LAMA3: variants seen among roughly 807,000 people sequenced by gnomAD.
LAMA3 encodes laminin subunit alpha-3.
A neutral mutation model predicts 402.0 loss-of-function variants in LAMA3; 281 were observed. The ratio of observed to expected loss-of-function variants is 0.70; its 90% CI spans 0.63 to 0.77. The LOEUF (loss-of-function observed/expected upper bound fraction) is 0.77, where lower values mean the gene tolerates loss of function less well. Ranked by LOEUF, LAMA3 falls within the 30% of genes least tolerant of loss-of-function variation. LAMA3 has a pLI of 0.00. For synonymous variants in LAMA3, 1,431 were observed against 1,558.4 expected, an observed-to-expected ratio of 0.92 and a Z score of 1.93; for missense variants, 3,840 against 4,215.5, an observed-to-expected ratio of 0.91 and a Z score of 2.47.
intron 39 of LAMA3, among the ~76,000 whole-genome samples, chr18:23,881,023 G>T (rs2064878663): frequency 6.6e-6 from 1 of 152,148 alleles, no homozygotes; most frequent in African/African-American, 2.4e-5. Context: ...TTAACACAAA[G>T]TGTCTCCATA....
Position 23,928,185 on chromosome 18 carries a change from T to G in LAMA3, c.8240T>G (p.Val2747Gly). 1.2e-6 allele frequency: 2 copies of G among 1,614,094 alleles called. No individual in the cohort carries two copies. The highest frequency in any genetic ancestry group is 1.7e-6 in the Non-Finnish European group (2 of 1,179,920). ...AAAAATTTGAAGAAAACCAGTGGTG[T>G]CGTTAGATTGAATGATACTGTGGGA... ...CMKNLKKTSG[V>G]VRLNDTVGVT... is the part of the protein sequence containing the mutation. The change falls in exon 63 of 75, where the codon GTC (valine) becomes GGC (glycine). Residue 2747 changes from valine to glycine, a missense_variant. By Grantham distance (109) the Val-to-Gly change is moderately radical. Around this residue, in one of 3 missense-constraint regions of LAMA3, gnomAD observed 840 missense variants for 981.9 expected, o/e 0.86. Coordinates refer to ENST00000313654, the MANE Select transcript of LAMA3 (RefSeq NM_198129.4).
chr18:23,778,611 C>T (rs958659292), intron 11 of LAMA3, among the ~76,000 whole-genome samples: 3 of 152,170 alleles, frequency 2.0e-5, no homozygotes, highest in South Asian at 2.1e-4. Context: ...CAGAAGGGCA[C>T]GCCTGCACCA....
At chr18:23,797,795 G>GA (rs1400922042) in intron 12 of LAMA3, among the ~76,000 whole-genome samples, 1 of 151,926 alleles carries the variant, frequency 6.6e-6, no homozygotes, top group Non-Finnish European at 1.5e-5. Flanking sequence ...TGTAGTCCTG[G>GA]ATTTATGTTT....
intron 12 of LAMA3, among the ~76,000 whole-genome samples, chr18:23,786,205 TC>T (rs2062542136): frequency 6.6e-6 from 1 of 152,180 alleles, no homozygotes; most frequent in South Asian, 2.1e-4. Flanking sequence ...ATGACCCCCT[TC>T]ATTATCCATC....
intron 66 of LAMA3, 94 bp downstream of exon 66, chr18:23,932,385 A>T: frequency 2.2e-6 from 3 of 1,373,682 alleles, no homozygotes; most frequent in Non-Finnish European, 3.1e-6. Flanking sequence ...AGCTTTGTCA[A>T]CATGTGCTGC....
chr18:23,911,014 C>CGCAGAG (rs1555735991), intron 55 of LAMA3, among the ~76,000 whole-genome samples: 1 of 150,378 alleles, frequency 6.6e-6, no homozygotes, highest in Admixed American at 6.6e-5. Context: ...CCAGTTCTGT[C>CGCAGAG]AGTCATGTTC....
At position 23,911,794 on chromosome 18, in the gene LAMA3, T is replaced by C. The variant is rs1200371011; in HGVS notation, c.7159-917T>C. On this transcript the variant is annotated intron_variant, in intron 55 of 74. Transcript: ENST00000313654. ...AGTATAAATTTAATATATGCATATA[T>C]ATTTAATTATATATTATAATCATAT... Among the ~76,000 whole-genome samples, 4 of 147,126 alleles carry C rather than the reference T, an allele frequency of 2.7e-5. No individual in the cohort carries two copies. In the Admixed American group the frequency reaches 2.7e-4, roughly 10 times the overall value.
chr18:23,758,242 A>C (rs1450556681), intron 6 of LAMA3, among the ~76,000 whole-genome samples, 154 bp from the exon 7 acceptor site: 1 of 152,234 alleles, frequency 6.6e-6, no homozygotes, highest in African/African-American at 2.4e-5. Flanking sequence ...GGGAGGCTTA[A>C]ATAATACTTG....
chr18:23,911,243 G>A (rs758984830), intron 55 of LAMA3, among the ~76,000 whole-genome samples: 21 of 152,242 alleles, frequency 1.4e-4, no homozygotes, highest in Non-Finnish European at 2.2e-4. Context: ...GGACCCCATC[G>A]CTAAGTCCCC....
chr18:23,692,486 G>A (rs1294600955), intron 1 of LAMA3, among the ~76,000 whole-genome samples: 1 of 152,114 alleles, frequency 6.6e-6, no homozygotes, highest in Non-Finnish European at 1.5e-5. Context: ...CGGCCAGGCT[G>A]GTCTCGAACT....
chr18:23,890,691 A>G (rs2080630435), intron 42 of LAMA3, among the ~76,000 whole-genome samples: 1 of 152,224 alleles, frequency 6.6e-6, no homozygotes, highest in African/African-American at 2.4e-5. Context: ...GGAAAATGCT[A>G]TTGATGTAGT....
chr18:23,699,413 GA>G (rs1480864834), intron 1 of LAMA3, among the ~76,000 whole-genome samples: 8 of 152,280 alleles, frequency 5.3e-5, no homozygotes, highest in Non-Finnish European at 1.2e-4. Flanking sequence ...AAGAAAGCAG[GA>G]AAAAGTGTAA....
intron 70 of LAMA3, 77 bp from the exon 71 acceptor site, chr18:23,949,688 A>G: frequency 7.2e-7 from 1 of 1,387,758 alleles, no homozygotes. Context: ...GACAAGCTGC[A>G]GTGCCCTTCG....
At chr18:23,825,952 A>T (rs2063374593) in intron 21 of LAMA3, among the ~76,000 whole-genome samples, 1 of 152,112 alleles carries the variant, frequency 6.6e-6, no homozygotes. Context: ...ATTTAAACCT[A>T]CTGAGTCCCC....
At chr18:23,707,922 T>C (rs2060920303) in intron 1 of LAMA3, among the ~76,000 whole-genome samples, 1 of 152,196 alleles carries the variant, frequency 6.6e-6, no homozygotes, top group South Asian at 2.1e-4. Flanking sequence ...AATTTTAACA[T>C]AGTCAGATTT....
chr18:23,903,830 CATT>C, intron 49 of LAMA3, 100 bp from the exon 50 acceptor site: 1 of 950,656 alleles, frequency 1.1e-6, no homozygotes, highest in Non-Finnish European at 1.7e-6. Flanking sequence ...TATAACATCT[CATT>C]GTTGCCCCAG....
chr18:23,810,100 T>C (rs1441526527), intron 12 of LAMA3, among the ~76,000 whole-genome samples: 2 of 152,206 alleles, frequency 1.3e-5, no homozygotes, highest in African/African-American at 4.8e-5. Flanking sequence ...ATAGGCATTG[T>C]CCCAAGCTCT....
At chr18:23,695,823 A>G (rs1447748535) in intron 1 of LAMA3, among the ~76,000 whole-genome samples, 1 of 147,440 alleles carries the variant, frequency 6.8e-6, no homozygotes, top group South Asian at 2.1e-4. Context: ...AAAAAAAAAA[A>G]AAAAAAAAAA....
At position 23,895,028 on chromosome 18, in the gene LAMA3, G is replaced by T. The variant is rs2080829919; in HGVS notation, c.5583G>T (p.Arg1861Ser). Residue 1861 changes from arginine (R) to serine (S), a missense_variant, in exon 44 of 75, where the codon AGG (arginine) becomes AGT (serine). By Grantham distance (110) the Arg-to-Ser change is moderately radical (BLOSUM62 -1). Coordinates refer to ENST00000313654, the MANE Select transcript of LAMA3 (RefSeq NM_198129.4). Reference protein sequence around the residue: ...SASAGLLEQMRHMETQAKDLR... With the variant: ...SASAGLLEQMSHMETQAKDLR... ...GCGCAGGGCTTCTGGAGCAGATGAG[G>T]CACATGGAGACCCAGGCCAAGGACC... The T allele has an allele frequency of 6.2e-7, 1 of 1,609,154 alleles. No individual in the cohort carries two copies. The highest frequency in any genetic ancestry group is 8.5e-7 in the Non-Finnish European group (1 of 1,177,860).
Sources: gnomAD v4.1 joint callset for allele counts (sites outside exome capture counted in the v4.1 genomes callset) on GRCh38, gnomAD v4.1.1 for gene constraint, gnomAD v4.1.1 regional missense constraint, MANE v1.5 for transcripts, NCBI Gene and HGNC (gene_info 2026-07-23, HGNC 2026-07-21) for gene names.